Variants in COL17A1 observed in about 807,000 individuals in gnomAD.
COL17A1 encodes collagen type XVII alpha 1 chain, also known as collagen alpha-1(XVII) chain.
In COL17A1, 181 loss-of-function variants were observed where a neutral mutation model predicts 218.4. The observed-to-expected ratio is 0.83, with a 90% confidence interval of 0.73 to 0.94. The LOEUF is 0.94. COL17A1 is among the 40% of genes least tolerant of loss of function. The probability of loss-of-function intolerance (pLI) is 0.00; values close to 1 mark genes in which losing one functional copy is unlikely to be tolerated. For missense variants in COL17A1, 1,924 were observed against 1,945.9 expected (o/e 0.99, Z 0.21); for synonymous variants, 721 against 731.0 (o/e 0.99, Z 0.22).
At chr10:104,073,806 C>T (rs1489594876) in intron 6 of COL17A1, 3 of 298,454 alleles carry the variant, frequency 1.0e-5, no homozygotes, top group South Asian at 3.5e-5. Context: ...GTGGAGGTGC[C>T]GGGATGCCTG....
intron 38 of COL17A1, 26 bp downstream of exon 38, chr10:104,041,277 C>G (rs1264824211): frequency 1.2e-6 from 2 of 1,601,882 alleles, no homozygotes; most frequent in Non-Finnish European, 1.7e-6. Flanking sequence ...CCCCTCCCAC[C>G]TCCCAGTGGT....
chr10:104,054,826 C>A (rs991591902), intron 20 of COL17A1, among the ~76,000 whole-genome samples, 155 bp downstream of exon 20: 1 of 152,172 alleles, frequency 6.6e-6, no homozygotes, highest in Non-Finnish European at 1.5e-5. Flanking sequence ...AGCCAAAGGT[C>A]CCTGGGATTG....
Position 104,060,407 on chromosome 10 carries a change from G to A in COL17A1, c.980-127C>T, listed in dbSNP as rs966406158. 13 of 1,368,442 alleles carry A rather than the reference G, an allele frequency of 9.5e-6. No individual in the cohort carries two copies. The Admixed American group carries it at 9.9e-5, about 10-fold the overall frequency. The allele number at this position is 1,368,442 out of a possible 1,614,324, so 84.8% of individuals were successfully genotyped here. A position where few individuals can be genotyped will look rare whatever the true frequency, so the allele number is the denominator to read the frequency against. On this transcript the variant is annotated intron_variant, in intron 13 of 55. Transcript: ENST00000648076. ...GAGGTAAATTAGCAGGTGTGTATGA[G>A]GGTCTCTTGTTCTTGCTGACAGTGG... is the stretch of plus-strand genomic sequence containing the variant.
chr10:104,076,962 T>A (rs926484385), intron 4 of COL17A1, among the ~76,000 whole-genome samples: 6 of 152,230 alleles, frequency 3.9e-5, no homozygotes, highest in African/African-American at 1.4e-4. Flanking sequence ...TTGCACAGCA[T>A]GGGATCACAT....
chr10:104,047,709 G>A lies in COL17A1; in HGVS notation c.2335+30C>T, dbSNP rs377512032. 6.7e-4 allele frequency: 1,052 copies of A among 1,581,386 alleles called. 4 individuals are homozygous for A. In the Middle Eastern group the frequency reaches 0.016, roughly 24 times the overall value. ...CACAAAGCACACACACACTAAGCAG[G>A]GCCATGGCTCCCTCTTCCTGCTCTG... is the stretch of plus-strand genomic sequence containing the variant. On this transcript the variant is annotated intron_variant, in intron 31 of 55. Transcript: ENST00000648076.
intron 9 of COL17A1, among the ~76,000 whole-genome samples, chr10:104,069,277 C>A (rs532739368): frequency 6.6e-6 from 1 of 152,178 alleles, no homozygotes; most frequent in African/African-American, 2.4e-5. Context: ...ACTGCCACCG[C>A]CAGGAATGTG....
chr10:104,076,981 C>T (rs116758247), intron 4 of COL17A1, among the ~76,000 whole-genome samples: 53 of 152,334 alleles, frequency 3.5e-4, no homozygotes, highest in African/African-American at 1.3e-3. Context: ...ATGTCACCAG[C>T]TTCCCTTAGC....
At chr10:104,058,100 A>C (rs776382459) in intron 16 of COL17A1, 46 bp downstream of exon 16, 2 of 1,613,268 alleles carry the variant, frequency 1.2e-6, no homozygotes, top group South Asian at 2.2e-5. Flanking sequence ...AGCCATAAGC[A>C]GCCCCACTGG....
Position 104,055,999 on chromosome 10 carries a change from C to G in COL17A1, c.1470G>C (p.Glu490Asp). 6.2e-7 allele frequency: 1 copy of G among 1,614,242 alleles called. No individual in the cohort carries two copies. The highest frequency in any genetic ancestry group is 8.5e-7 in the Non-Finnish European group (1 of 1,180,036). The change falls in exon 18 of 56, where the codon GAG becomes GAC. Residue 490 changes from glutamate (E) to aspartate (D), a missense_variant. Transcript: ENST00000648076. ...GLLFGLIALA[E>D]EVRKLKARVD... ...CACGCGCCTTCAGCTTCCTCACCTC[C>G]TCCGCTGCAACAAACAGACACACAC...
intron 16 of COL17A1, among the ~76,000 whole-genome samples, chr10:104,057,579 A>G (rs914380718): frequency 6.6e-6 from 1 of 151,354 alleles, no homozygotes; most frequent in African/African-American, 2.4e-5. Context: ...GACTGGGCCC[A>G]AACCTAGAGC....
chr10:104,067,653 G>A (rs530808227), intron 9 of COL17A1, among the ~76,000 whole-genome samples: 60 of 152,252 alleles, frequency 3.9e-4, no homozygotes, highest in African/African-American at 1.4e-3. Context: ...AAGGGAGCCG[G>A]CTGTGCAGCT....
At chr10:104,034,431 A>G in intron 51 of COL17A1, 97 bp from the exon 52 acceptor site, 3 of 1,473,114 alleles carry the variant, frequency 2.0e-6, no homozygotes, top group African/African-American at 1.4e-5. Context: ...AATGCCCCTG[A>G]GAGACCAGAA....
Position 104,032,947 on chromosome 10 carries a change from G to C in COL17A1, c.4316C>G (p.Pro1439Arg). The change falls in exon 54 of 56, where the codon CCC (proline) becomes CGC (arginine). Residue 1439 changes from proline to arginine, a missense_variant. Pro to Arg is a moderately radical substitution (Grantham distance 103). Coordinates refer to ENST00000648076, the MANE Select transcript of COL17A1 (RefSeq NM_000494.4). ...GCCCATCTCTCCTTTTTGCCCAGGG[G>C]GTCCTTGAATGGCTCCATAAGCTGC... ...FFQTYGAIQG[P>R]PGQKGEMGTP... The C allele has an allele frequency of 1.2e-6, 2 of 1,614,020 alleles. No individual in the cohort carries two copies. The highest frequency in any genetic ancestry group is 1.7e-6 in the Non-Finnish European group (2 of 1,179,988).
At chr10:104,042,219 G>A (rs1367640331) in intron 36 of COL17A1, among the ~76,000 whole-genome samples, 1 of 152,180 alleles carries the variant, frequency 6.6e-6, no homozygotes, top group African/African-American at 2.4e-5. Context: ...TGGTCCTCTT[G>A]TAATCCCAGA....
Position 104,034,295 on chromosome 10 carries a change from G to C in COL17A1, c.3806C>G (p.Pro1269Arg), listed in dbSNP as rs1404349222. The C allele has an allele frequency of 5.7e-6, 9 of 1,577,478 alleles. No individual in the cohort carries two copies. Among genetic ancestry groups the C allele is most frequent in the Non-Finnish European group, 7.7e-6 (9 of 1,165,588 alleles). The change falls in exon 52 of 56, where the codon CCT becomes CGT. Residue 1269 changes from proline (P) to arginine (R), a missense_variant. Physicochemically the swap from Pro to Arg is moderately radical, Grantham distance 103. Transcript: ENST00000648076. The part of the protein sequence containing the change: ...VRSFIVGPPG[P>R]PGPQGPPGDS... ...CCCAGGGGGTCCCTGCGGCCCAGGA[G>C]GGCCTGGGGGGCCAACAATGAAGCT...
chr10:104,061,573 G>T, intron 12 of COL17A1, 100 bp from the exon 13 acceptor site: 2 of 924,670 alleles, frequency 2.2e-6, no homozygotes, highest in African/African-American at 1.6e-5. Flanking sequence ...ACCCTCTCCA[G>T]TGAGAAGCAG....
rs1307034240 is a variant in COL17A1 at position 104,036,611 on chromosome 10, A to G, written c.3299T>C (p.Leu1100Pro). 6.2e-7 allele frequency: 1 copy of G among 1,613,924 alleles called. No homozygotes were observed. The highest frequency in any genetic ancestry group is 1.3e-5 in the African/African-American group (1 of 75,026). ...CCGAGGGCCCATCAAGTACTGACGT[A>G]GGTACTGACGCACGTCATCCCCTGG... is the stretch of plus-strand genomic sequence containing the variant. The part of the protein sequence containing the change: ...VLQRDDVRQY[L>P]RQYLMGPRGP... The change falls in exon 48 of 56, where the codon CTA (leucine) becomes CCA (proline). Residue 1100 changes from leucine (L) to proline (P), a missense_variant. By Grantham distance (98) the Leu-to-Pro change is moderately conservative. Coordinates refer to ENST00000648076, the MANE Select transcript of COL17A1 (RefSeq NM_000494.4).
At position 104,039,639 on chromosome 10, in the gene COL17A1, G is replaced by T; in HGVS notation, c.2790C>A (p.Gly930=). ...TTGAGAAACCTGGGAGGCCTTGCTC[G>T]CCTGAGGAACACACCAAGGGAGGGA... ...QGPPGPRGHQ[G]EQGLPGFSTS... The change falls in exon 42 of 56, where the codon GGC becomes GGA. Residue 930 remains glycine, a splice_region_variant and synonymous_variant. Transcript: ENST00000648076. 1.2e-6 allele frequency: 2 copies of T among 1,614,118 alleles called. No individual in the cohort carries two copies. Among genetic ancestry groups the T allele is most frequent in the South Asian group, 1.1e-5 (1 of 91,082 alleles).
Position 104,050,831 on chromosome 10 carries a change from G to T in COL17A1, c.2092+17C>A. The T allele has an allele frequency of 6.2e-7, 1 of 1,614,000 alleles. No homozygotes were observed. Among genetic ancestry groups the T allele is most frequent in the Non-Finnish European group, 8.5e-7 (1 of 1,180,014 alleles). On this transcript the variant is annotated intron_variant, in intron 26 of 55. Coordinates refer to ENST00000648076, the MANE Select transcript of COL17A1 (RefSeq NM_000494.4). ...CATCAGACCCTCACTGTCCCCCCAGGCCTCCCTCCAGCTTACCTTTGACAC... is the reference window on the plus strand; with the variant it reads ...CATCAGACCCTCACTGTCCCCCCAGTCCTCCCTCCAGCTTACCTTTGACAC...
Sources: allele counts gnomAD v4.1 joint callset (sites outside exome capture counted in the v4.1 genomes callset), GRCh38; gene constraint gnomAD v4.1.1; transcripts MANE v1.5; gene names NCBI Gene and HGNC (gene_info 2026-07-23, HGNC 2026-07-21).